The following ZNF500 variants were observed in gnomAD, a reference collection of about 807,000 sequenced individuals.
ZNF500 encodes the protein zinc finger protein 500.
In ZNF500, 31 loss-of-function variants were observed where a neutral mutation model predicts 30.1. That is an observed-to-expected ratio of 1.03 (90% CI 0.77 to 1.39). The LOEUF is 1.39. ZNF500 is among the 40% of genes most tolerant of loss of function. The probability of loss-of-function intolerance (pLI) is 0.00; values close to 1 mark genes in which losing one functional copy is unlikely to be tolerated. For synonymous variants in ZNF500, 392 were observed against 282.0 expected (o/e 1.39, Z -3.91); for missense variants, 817 against 657.8 (o/e 1.24, Z -2.65).
At chr16:4,763,710 G>T (rs2082232852) in intron 2 of ZNF500, 3 of 977,548 alleles carry the variant, frequency 3.1e-6, no homozygotes, top group African/African-American at 3.6e-5. Flanking sequence ...AGTGACAGAA[G>T]GAAGCCATGC....
downstream of ZNF500, chr16:4,747,557 G>C: frequency 6.2e-7 from 1 of 1,612,196 alleles, no homozygotes; most frequent in Admixed American, 1.7e-5. Context: ...CAGGCCCAGA[G>C]CCCTGGGGGA....
chr16:4,766,140 G>C (rs1370975181), intron 1 of ZNF500, 64 bp from the exon 2 acceptor site: 22 of 790,720 alleles, frequency 2.8e-5, no homozygotes, highest in Non-Finnish European at 4.0e-5. Context: ...CTTTGGCCTG[G>C]GAAGCCCCTG....
At chr16:4,766,956 G>A (rs2082270504) in intron 1 of ZNF500, 61 bp downstream of exon 1, 1 of 152,330 alleles carries the variant, frequency 6.6e-6, no homozygotes, top group Non-Finnish European at 1.5e-5. Context: ...CCGGGTGCTG[G>A]CGCGGGCCGC....
chr16:4,765,520 C>G (rs2082254501), intron 2 of ZNF500, 45 bp downstream of exon 2: 12 of 1,539,938 alleles, frequency 7.8e-6, no homozygotes, highest in Non-Finnish European at 1.0e-5. Context: ...ACCCCAGCAG[C>G]AGGGCCCCAT....
At chr16:4,756,892 G>GA (rs956153467) in intron 5 of ZNF500, among the ~76,000 whole-genome samples, 1 of 151,984 alleles carries the variant, frequency 6.6e-6, no homozygotes, top group Non-Finnish European at 1.5e-5. Context: ...TGAGGTGGTA[G>GA]AATCACCTGA....
At position 4,753,036 on chromosome 16, in the gene ZNF500, GTCC is replaced by G; in HGVS notation, c.780_782del (p.Glu260del). On this transcript the variant is annotated inframe_deletion, in exon 6 of 6. Transcript: ENST00000219478. ...GGGCATCCTCCCTGCCATCACCGCC[GTCC>G]TCCAACTGGATCCCAGGTCCTGAGA... The G allele has an allele frequency of 6.5e-7, 1 of 1,528,114 alleles. No homozygotes were observed. Among genetic ancestry groups the G allele is most frequent in the Non-Finnish European group, 8.8e-7 (1 of 1,141,984 alleles). The allele number at this position is 1,528,114 out of a possible 1,614,324, so 94.7% of individuals were successfully genotyped here. A position where few individuals can be genotyped will look rare whatever the true frequency, so the allele number is the denominator to read the frequency against.
Position 4,751,713 on chromosome 16 carries a change from G to C in ZNF500, c.*663C>G. On this transcript the variant is annotated 3_prime_UTR_variant, in exon 6 of 6. Coordinates refer to ENST00000219478, the MANE Select transcript of ZNF500 (RefSeq NM_021646.4). ...TAATTAGTTAAGATGAGGTCACAGT[G>C]TATTGGGGGACCCTAAACCCAGTGA... 2 of 1,437,544 alleles carry C rather than the reference G, an allele frequency of 1.4e-6. No individual in the cohort carries two copies. 89.0% of individuals were successfully genotyped at this position (1,437,544 alleles called of 1,614,324 possible).
rs529713024 is a variant in ZNF500 at position 4,764,563 on chromosome 16, C to T, written c.414+1002G>A. On this transcript the variant is annotated intron_variant, in intron 2 of 5. Coordinates refer to ENST00000219478, the MANE Select transcript of ZNF500 (RefSeq NM_021646.4). Reference sequence around the variant, plus strand: ...TTGGGAGGCCAAGGCAGGTGAATCACGAGGTCAGGAGATCCAGACCACCCT... The same window carrying T: ...TTGGGAGGCCAAGGCAGGTGAATCATGAGGTCAGGAGATCCAGACCACCCT... Among the ~76,000 whole-genome samples, 10 of 152,014 alleles carry T rather than the reference C, an allele frequency of 6.6e-5. No individual in the cohort carries two copies. In the South Asian group the frequency reaches 1.2e-3, roughly 19 times the overall value.
In ZNF500 at chr16:4,752,536, C is replaced by T. The variant is rs1280452143; in HGVS notation, c.1283G>A (p.Arg428His). Residue 428 changes from arginine to histidine, a missense_variant, in exon 6 of 6, where the codon CGC (arginine) becomes CAC (histidine). Arg to His is a conservative substitution (Grantham distance 29). Transcript: ENST00000219478. ...GGGCTTCTCACCTGTGTGCGTCCGG[C>T]GGTGGGCGCTGAAGTGCGAGCTGTT... ...FNNSSHFSAH[R>H]RTHTGEKPYT... 12 of 1,565,476 alleles carry T rather than the reference C, an allele frequency of 7.7e-6. No homozygotes were observed. The highest frequency in any genetic ancestry group is 1.0e-5 in the Non-Finnish European group (12 of 1,159,854).
At chr16:4,763,774 G>A (rs1377251027) in intron 2 of ZNF500, 3 of 985,298 alleles carry the variant, frequency 3.0e-6, no homozygotes, top group Non-Finnish European at 3.6e-6. Context: ...TGGCCGGCTG[G>A]GAAGAAACCC....
rs1475419383 is a variant in ZNF500, at chr16:4,748,894, GTCTCT to G, written c.*3477_*3481del. On this transcript the variant is annotated 3_prime_UTR_variant, in exon 6 of 6. Transcript: ENST00000219478. ...GCCAGGCCACTGAGGATGGGCAGGG[GTCTCT>G]TCTCATCAAGCCTTGTACCAGGCAA... 2 of 152,402 alleles carry G rather than the reference GTCTCT, an allele frequency of 1.3e-5. No homozygotes were observed. Among genetic ancestry groups the G allele is most frequent in the African/African-American group, 2.4e-5 (1 of 41,468 alleles). 9.4% of individuals were successfully genotyped at this position (152,402 alleles called of 1,614,324 possible). A position where few individuals can be genotyped will look rare whatever the true frequency, so the allele number is the denominator to read the frequency against.
intron 2 of ZNF500, among the ~76,000 whole-genome samples, chr16:4,763,453 G>A (rs192794943): frequency 5.9e-5 from 9 of 152,048 alleles, no homozygotes; most frequent in Admixed American, 3.3e-4. Flanking sequence ...GGTGCTCTGA[G>A]ATGATCTATT....
intron 2 of ZNF500, among the ~76,000 whole-genome samples, chr16:4,763,347 C>T (rs1031025680): frequency 1.3e-5 from 2 of 149,456 alleles, no homozygotes; most frequent in Admixed American, 6.8e-5. Context: ...TGCAGTGAGC[C>T]GAGATCGTGC....
chr16:4,747,893 C>A (rs2082038122), downstream of ZNF500, among the ~76,000 whole-genome samples: 1 of 152,162 alleles, frequency 6.6e-6, no homozygotes, highest in African/African-American at 2.4e-5. Context: ...GGGAGATGGG[C>A]AGGGACAGCA....
At chr16:4,746,312 C>A, downstream of ZNF500, 1 of 1,522,864 alleles carries the variant, frequency 6.6e-7, no homozygotes. Context: ...TGGACAAACC[C>A]AGCGCAGGTC....
chr16:4,753,232 G>A lies in ZNF500; in HGVS notation c.761-174C>T, dbSNP rs2082104022. ...TCCCAGCACTTTGGAAGGCTGAAGT[G>A]GGAGGATTGCTTGAGCCCAGGAGTT... On this transcript the variant is annotated intron_variant, in intron 5 of 5. Coordinates refer to ENST00000219478, the MANE Select transcript of ZNF500 (RefSeq NM_021646.4). The A allele has an allele frequency of 6.2e-6, 8 of 1,289,992 alleles. No individual in the cohort carries two copies. In the South Asian group the frequency reaches 1.7e-4, roughly 27 times the overall value. 79.9% of individuals were successfully genotyped at this position (1,289,992 alleles called of 1,614,324 possible). A position where few individuals can be genotyped will look rare whatever the true frequency, so the allele number is the denominator to read the frequency against.
downstream of ZNF500, chr16:4,746,798 C>A: frequency 1.1e-6 from 1 of 898,422 alleles, no homozygotes; most frequent in Non-Finnish European, 1.6e-6. Context: ...AGGACGTCCA[C>A]CGGCCTCCAG....
intron 5 of ZNF500, 135 bp downstream of exon 5, chr16:4,760,357 C>A (rs894049956): frequency 1.1e-5 from 8 of 744,642 alleles, no homozygotes; most frequent in African/African-American, 1.1e-4. Context: ...TGGGACTCTG[C>A]AGGGATACGG....
At chr16:4,764,546 C>T (rs2082241446) in intron 2 of ZNF500, among the ~76,000 whole-genome samples, 1 of 151,896 alleles carries the variant, frequency 6.6e-6, no homozygotes, top group African/African-American at 2.4e-5. Flanking sequence ...CTTTGGGAGG[C>T]CAAGGCAGGT....
Sources: gnomAD v4.1 joint callset for allele counts (sites outside exome capture counted in the v4.1 genomes callset) on GRCh38, gnomAD v4.1.1 for gene constraint, MANE v1.5 for transcripts, NCBI Gene and HGNC (gene_info 2026-07-23, HGNC 2026-07-21) for gene names.